Variants in COL24A1 observed in about 807,000 individuals in gnomAD.
COL24A1 encodes the protein collagen alpha-1(XXIV) chain.
COL24A1 carries 224 observed loss-of-function variants against 253.9 expected under a neutral mutation model. The ratio of observed to expected loss-of-function variants is 0.88; its 90% CI spans 0.79 to 0.99. COL24A1 has a LOEUF of 0.99. Among genes scored for constraint, COL24A1 ranks in the 50% least tolerant of loss-of-function variants. The pLI is 0.00. For synonymous variants in COL24A1, 685 were observed against 673.7 expected (o/e 1.02, Z -0.26); for missense variants, 2,131 against 2,068.5 (o/e 1.03, Z -0.59).
intron 18 of COL24A1, among the ~76,000 whole-genome samples, chr1:86,019,210 T>C (rs1697262593): frequency 6.6e-6 from 1 of 152,138 alleles, no homozygotes; most frequent in African/African-American, 2.4e-5. Flanking sequence ...AACAAGTGTC[T>C]CCTTCTATAA....
Position 85,842,059 on chromosome 1 carries a change from T to C in COL24A1, c.3570+9A>G, listed in dbSNP as rs2102253948. The C allele has an allele frequency of 1.2e-6, 2 of 1,612,026 alleles. No individual in the cohort carries two copies. The highest frequency in any genetic ancestry group is 2.2e-5 in the East Asian group (1 of 44,824). ...ACTTTAAGATTAAAAAGCCAATATATACACAAACCTTTTCTCCTTTAGGTC... is the reference window on the plus strand; with the variant it reads ...ACTTTAAGATTAAAAAGCCAATATACACACAAACCTTTTCTCCTTTAGGTC... On this transcript the variant is annotated intron_variant, in intron 41 of 59. Coordinates refer to ENST00000370571, the MANE Select transcript of COL24A1 (RefSeq NM_152890.7).
In COL24A1 at chr1:85,804,268, G is replaced by A. The variant is rs1231115078; in HGVS notation, c.3951+12520C>T. ...AATATGTGAAAGTGTTTTGTTAGAG[G>A]GAAGATACAGGTAGTGATACGTTCA... On this transcript the variant is annotated intron_variant, in intron 47 of 59. Transcript: ENST00000370571. Among the ~76,000 whole-genome samples, 4 of 152,086 alleles carry A rather than the reference G, an allele frequency of 2.6e-5. No homozygotes were observed. In the South Asian group the frequency reaches 8.3e-4, roughly 31 times the overall value.
chr1:85,962,668 G>T (rs778033715), intron 23 of COL24A1, among the ~76,000 whole-genome samples: 1 of 152,122 alleles, frequency 6.6e-6, no homozygotes, highest in African/African-American at 2.4e-5. Context: ...ATCAGCAAAG[G>T]TATAGATTAA....
rs571556212 is a variant in COL24A1, at chr1:85,745,485, C to T, written c.4459G>A (p.Ala1487Thr). ...TTTGATTCAATCAAGGCTTGAATAG[C>T]AGCATTGATATCCATTTGCTTCTGT... The part of the protein sequence containing the change: ...GPRKQMDINA[A>T]IQALIESNTA... The change falls in exon 56 of 60, where the codon GCT becomes ACT. Residue 1487 changes from alanine (A) to threonine (T), a missense_variant. Transcript: ENST00000370571. The T allele has an allele frequency of 1.2e-5, 19 of 1,609,766 alleles. No individual in the cohort carries two copies. In the East Asian group the frequency reaches 4.3e-4, roughly 36 times the overall value.
chr1:86,105,966 C>T (rs1704944138), intron 5 of COL24A1, among the ~76,000 whole-genome samples: 1 of 152,160 alleles, frequency 6.6e-6, no homozygotes, highest in South Asian at 2.1e-4. Context: ...CTCTCAGTGC[C>T]CTTTCTCTAC....
intron 19 of COL24A1, among the ~76,000 whole-genome samples, chr1:85,991,541 C>T (rs916096319): frequency 6.6e-6 from 1 of 152,058 alleles, no homozygotes; most frequent in Non-Finnish European, 1.5e-5. Context: ...AAGAGTCTGT[C>T]TTATAATTGT....
At chr1:86,120,080 T>G (rs1462332688) in intron 3 of COL24A1, among the ~76,000 whole-genome samples, 2 of 152,124 alleles carry the variant, frequency 1.3e-5, no homozygotes, top group Non-Finnish European at 2.9e-5. Context: ...GGGAAAACTG[T>G]CTAGCCATAT....
chr1:85,791,212 T>C (rs962422979), intron 47 of COL24A1, among the ~76,000 whole-genome samples: 8 of 152,150 alleles, frequency 5.3e-5, no homozygotes, highest in African/African-American at 1.9e-4. Flanking sequence ...GATGAGTCAA[T>C]AGAAATTAGC....
chr1:85,742,752 C>A (rs1664790002), intron 57 of COL24A1, among the ~76,000 whole-genome samples: 2 of 152,078 alleles, frequency 1.3e-5, no homozygotes, highest in African/African-American at 4.8e-5. Context: ...CTCTCATAAC[C>A]CACATCCAAT....
At chr1:85,923,056 A>G (rs1490815466) in intron 24 of COL24A1, among the ~76,000 whole-genome samples, 1 of 152,204 alleles carries the variant, frequency 6.6e-6, no homozygotes, top group African/African-American at 2.4e-5. Flanking sequence ...ACCAACAAAG[A>G]TCAAAAGAGA....
intron 5 of COL24A1, among the ~76,000 whole-genome samples, chr1:86,098,663 C>T (rs968247350): frequency 2.0e-5 from 3 of 152,112 alleles, no homozygotes; most frequent in Admixed American, 6.6e-5. Flanking sequence ...CTGAGACTCA[C>T]ACCAAGAGCA....
At chr1:85,855,982 G>C (rs1678393233) in intron 37 of COL24A1, among the ~76,000 whole-genome samples, 1 of 152,200 alleles carries the variant, frequency 6.6e-6, no homozygotes, top group South Asian at 2.1e-4. Context: ...TGTGTGCAGA[G>C]AGGTGTTCAT....
At position 86,015,774 on chromosome 1, in the gene COL24A1, A is replaced by G. The variant is rs1343872859; in HGVS notation, c.2310+1377T>C. Among the ~76,000 whole-genome samples the G allele has an allele frequency of 4.6e-5, 7 of 151,912 alleles. No individual in the cohort carries two copies. In the East Asian group the frequency reaches 9.6e-4, roughly 21 times the overall value. ...ACTAATCTGAAGTTTTAATTACTCA[A>G]TTTCCTTCCTATCAGAATGCTGAGA... On this transcript the variant is annotated intron_variant, in intron 19 of 59. Coordinates refer to ENST00000370571, the MANE Select transcript of COL24A1 (RefSeq NM_152890.7).
chr1:86,032,101 G>A (rs903776588), intron 13 of COL24A1, among the ~76,000 whole-genome samples, 179 bp from the exon 14 acceptor site: 6 of 152,132 alleles, frequency 3.9e-5, no homozygotes, highest in Admixed American at 3.9e-4. Context: ...ACCTATGGTG[G>A]CCATTTATGT....
chr1:85,887,317 A>T (rs139330431), intron 32 of COL24A1, among the ~76,000 whole-genome samples: 1 of 152,292 alleles, frequency 6.6e-6, no homozygotes, highest in African/African-American at 2.4e-5. Context: ...GAGAATGGAC[A>T]AATATCACCA....
At chr1:85,782,646 A>G (rs1223712582) in intron 51 of COL24A1, among the ~76,000 whole-genome samples, 4 of 152,216 alleles carry the variant, frequency 2.6e-5, no homozygotes, top group Admixed American at 2.6e-4. Flanking sequence ...AGAGTTAGGA[A>G]AGCGGTATAG....
chr1:86,145,621 T>G (rs895071247), intron 2 of COL24A1, among the ~76,000 whole-genome samples: 21 of 152,200 alleles, frequency 1.4e-4, no homozygotes, highest in African/African-American at 4.1e-4. Flanking sequence ...CCAGAGTAAT[T>G]AACTAGTAGG....
intron 5 of COL24A1, among the ~76,000 whole-genome samples, chr1:86,105,269 G>A (rs1291916965): frequency 6.6e-6 from 1 of 152,164 alleles, no homozygotes; most frequent in Non-Finnish European, 1.5e-5. Context: ...TGCAAAACCG[G>A]TGGAACAAGG....
At chr1:86,014,338 T>C (rs914103855) in intron 19 of COL24A1, among the ~76,000 whole-genome samples, 4 of 152,238 alleles carry the variant, frequency 2.6e-5, no homozygotes, top group Admixed American at 2.0e-4. Flanking sequence ...TTAACTGCAC[T>C]GTAGACAAAG....
Sources: gnomAD v4.1 joint callset for allele counts (sites outside exome capture counted in the v4.1 genomes callset) on GRCh38, gnomAD v4.1.1 for gene constraint, MANE v1.5 for transcripts, NCBI Gene and HGNC (gene_info 2026-07-23, HGNC 2026-07-21) for gene names.